NUP210L: variants seen among roughly 807,000 people sequenced by gnomAD.
The protein encoded by NUP210L is nuclear pore membrane glycoprotein 210-like.
NUP210L carries 74 observed loss-of-function variants against 208.5 expected under a neutral mutation model. That is an observed-to-expected ratio of 0.35 (90% CI 0.29 to 0.43). The LOEUF is 0.43. Ranked by LOEUF, NUP210L falls within the 20% of genes least tolerant of loss-of-function variation. The pLI is 1.00. For synonymous variants in NUP210L, 780 were observed against 816.9 expected, an observed-to-expected ratio of 0.95 and a Z score of 0.77; for missense variants, 1,843 against 2,289.4, an observed-to-expected ratio of 0.81 and a Z score of 3.98.
intron 23 of NUP210L, among the ~76,000 whole-genome samples, chr1:154,056,045 C>T (rs879521231): frequency 6.6e-6 from 1 of 152,116 alleles, no homozygotes; most frequent in Non-Finnish European, 1.5e-5. Context: ...GGCAACAGAG[C>T]GAGACTCTGT....
chr1:154,020,957 T>A (rs1055266833), intron 32 of NUP210L, among the ~76,000 whole-genome samples: 1 of 151,804 alleles, frequency 6.6e-6, no homozygotes, highest in Non-Finnish European at 1.5e-5. Flanking sequence ...TTTATTTATT[T>A]TTTGAGATGG....
At chr1:154,154,925 G>C (rs766575693) in exon 1 of NUP210L, 1 of 1,614,212 alleles carries the variant, frequency 6.2e-7, no homozygotes, top group Non-Finnish European at 8.5e-7. Flanking sequence ...CCTGTGGCAC[G>C]TTAAGTTTGT....
At chr1:154,153,132 T>C (rs1164051077) in intron 1 of NUP210L, among the ~76,000 whole-genome samples, 1 of 152,064 alleles carries the variant, frequency 6.6e-6, no homozygotes, top group Non-Finnish European at 1.5e-5. Flanking sequence ...CTTCCCTCAG[T>C]ATGCAGAAAT....
chr1:154,015,953 T>A lies in NUP210L; in HGVS notation c.4653+2980A>T, dbSNP rs201049228. Reference sequence around the variant, plus strand: ...ATAAATAAATAAATAAATAAATAAATAAAAATAAAAAAAATAGATGGCTAG... The same window carrying A: ...ATAAATAAATAAATAAATAAATAAAAAAAAATAAAAAAAATAGATGGCTAG... On this transcript the variant is annotated intron_variant, in intron 33 of 39. Coordinates refer to ENST00000368559, the Ensembl canonical transcript of NUP210L. Among the ~76,000 whole-genome samples, 540 of 136,868 alleles carry A rather than the reference T, an allele frequency of 3.9e-3. 2 individuals carry two copies. The highest frequency in any genetic ancestry group is 0.013 in the East Asian group (63 of 4,754). 89.8% of individuals were successfully genotyped at this position (136,868 alleles called of 152,430 possible).
chr1:154,017,390 TC>T (rs1489852175), intron 33 of NUP210L, among the ~76,000 whole-genome samples: 1 of 138,022 alleles, frequency 7.2e-6, no homozygotes, highest in Non-Finnish European at 1.6e-5. Flanking sequence ...TTCTCAATTT[TC>T]AGCTTAACCC....
At chr1:154,042,089 CCT>C (rs375101605) in intron 27 of NUP210L, among the ~76,000 whole-genome samples, 8 of 151,012 alleles carry the variant, frequency 5.3e-5, no homozygotes, top group Admixed American at 1.3e-4. Context: ...AAGGCCTTTC[CCT>C]CTCTCTCTCT....
At chr1:154,152,329 G>A (rs1286546423) in intron 2 of NUP210L, among the ~76,000 whole-genome samples, 14 of 151,258 alleles carry the variant, frequency 9.3e-5, no homozygotes, top group Admixed American at 5.3e-4. Context: ...GCGCCACCAC[G>A]CCCGGCTAAT....
Position 154,117,953 on chromosome 1 carries a change from T to A in NUP210L, c.1465-73A>T, listed in dbSNP as rs533759128. 2.9e-4 allele frequency: 317 copies of A among 1,083,090 alleles called. 3 individuals carry two copies. The South Asian group carries it at 4.3e-3, about 15-fold the overall frequency. 67.1% of individuals were successfully genotyped at this position (1,083,090 alleles called of 1,614,324 possible). ...TTTAAGTGAAAATGTAAAACTTGAC[T>A]GGTGAAATAAAGTTTACAAAATAGT... On this transcript the variant is annotated intron_variant, in intron 11 of 39. Transcript: ENST00000368559.
intron 33 of NUP210L, among the ~76,000 whole-genome samples, chr1:154,016,823 G>A (rs1271450238): frequency 1.3e-5 from 2 of 151,960 alleles, no homozygotes; most frequent in Admixed American, 6.6e-5. Context: ...AAAATTAGCT[G>A]GGCATGGCGG....
At chr1:154,021,501 A>C (rs1188052443) in intron 32 of NUP210L, among the ~76,000 whole-genome samples, 22 of 152,052 alleles carry the variant, frequency 1.4e-4, no homozygotes. Flanking sequence ...CTCTAAAAAA[A>C]AAAACAAAAC....
At chr1:154,154,192 G>C (rs1659567488) in intron 1 of NUP210L, among the ~76,000 whole-genome samples, 1 of 152,062 alleles carries the variant, frequency 6.6e-6, no homozygotes, top group Non-Finnish European at 1.5e-5. Context: ...CTCCACCCAC[G>C]ATAAATCTTC....
rs1323639696 is a variant in NUP210L, at chr1:154,047,150, A to G, written c.3484-781T>C. Among the ~76,000 whole-genome samples, 4 of 152,174 alleles carry G rather than the reference A, an allele frequency of 2.6e-5. No homozygotes were observed. In the South Asian group the frequency reaches 6.2e-4, roughly 24 times the overall value. ...CTATGGGGATGATTAATGGGCAGAA[A>G]AATATAGTTAGAATGAAAAAGGGCT... On this transcript the variant is annotated intron_variant, in intron 25 of 39. Transcript: ENST00000368559.
intron 16 of NUP210L, among the ~76,000 whole-genome samples, chr1:154,082,733 G>A (rs1470355802): frequency 1.3e-5 from 2 of 152,188 alleles, no homozygotes; most frequent in Admixed American, 6.6e-5. Flanking sequence ...TGTTCCTTCA[G>A]ATGCGTCCAG....
intron 25 of NUP210L, among the ~76,000 whole-genome samples, chr1:154,047,755 CCT>C (rs1653265403): frequency 6.6e-6 from 1 of 152,204 alleles, no homozygotes; most frequent in African/African-American, 2.4e-5. Context: ...CTGTGAGCCC[CCT>C]GATTTCCCAC....
chr1:154,139,998 G>C (rs1571321307), intron 4 of NUP210L, 46 bp from the exon 5 acceptor site: 5 of 1,488,380 alleles, frequency 3.4e-6, no homozygotes, highest in African/African-American at 2.8e-5. Flanking sequence ...TTAAACGAAG[G>C]GTTCTTCCAA....
intron 2 of NUP210L, among the ~76,000 whole-genome samples, chr1:154,144,960 T>C (rs749453313): frequency 1.6e-4 from 24 of 151,786 alleles, no homozygotes; most frequent in Non-Finnish European, 2.9e-4. Context: ...ATACAAAAAT[T>C]AGCCGGGCAT....
intron 17 of NUP210L, among the ~76,000 whole-genome samples, chr1:154,066,485 C>G (rs1051310861): frequency 1.3e-5 from 2 of 152,154 alleles, no homozygotes; most frequent in African/African-American, 4.8e-5. Flanking sequence ...GTGGCGGGCG[C>G]CTGTAGTCCC....
chr1:154,067,486 C>T (rs1312439388), intron 17 of NUP210L, among the ~76,000 whole-genome samples: 1 of 152,152 alleles, frequency 6.6e-6, no homozygotes, highest in Non-Finnish European at 1.5e-5. Context: ...CAGCCAATAT[C>T]ATACTGAAAT....
chr1:154,030,246 A>G (rs770306546), intron 27 of NUP210L, among the ~76,000 whole-genome samples, 192 bp from the exon 28 acceptor site: 13 of 152,078 alleles, frequency 8.5e-5, no homozygotes, highest in South Asian at 2.1e-4. Context: ...GGTGCACCAA[A>G]ATCTCACAAA....
Sources: gnomAD v4.1 joint callset for allele counts (sites outside exome capture counted in the v4.1 genomes callset) on GRCh38, gnomAD v4.1.1 for gene constraint, MANE v1.5 for transcripts, NCBI Gene and HGNC (gene_info 2026-07-23, HGNC 2026-07-21) for gene names.